GMDS: variants seen among roughly 807,000 people sequenced by gnomAD.
GMDS encodes GDP-mannose 4,6-dehydratase.
In GMDS, 20 loss-of-function variants were observed where a neutral mutation model predicts 49.9. That is an observed-to-expected ratio of 0.40 (90% confidence interval 0.28 to 0.58). GMDS has a LOEUF of 0.58. GMDS is among the 20% of genes least tolerant of loss of function. The pLI is 0.42. For synonymous variants in GMDS, 177 were observed against 178.6 expected (o/e 0.99, Z 0.07); for missense variants, 362 against 481.4 (o/e 0.75, Z 2.32).
intron 7 of GMDS, among the ~76,000 whole-genome samples, chr6:1,849,667 G>A (rs1757567866): frequency 6.6e-6 from 1 of 152,168 alleles, no homozygotes; most frequent in Admixed American, 6.5e-5. Flanking sequence ...TACTGTTGTT[G>A]TAGCTTTTCC....
intron 7 of GMDS, among the ~76,000 whole-genome samples, chr6:1,852,122 A>G (rs1352422479): frequency 1.3e-5 from 2 of 152,186 alleles, no homozygotes; most frequent in Non-Finnish European, 1.5e-5. Context: ...TCTTTTCCAC[A>G]GTGGTCACTC....
chr6:1,885,616 G>A (rs1759562785), intron 7 of GMDS, among the ~76,000 whole-genome samples: 2 of 152,150 alleles, frequency 1.3e-5, no homozygotes, highest in African/African-American at 4.8e-5. Context: ...CTGTTCCTTG[G>A]TCTCCGAGGT....
At chr6:2,227,492 T>C (rs1043483443) in intron 1 of GMDS, among the ~76,000 whole-genome samples, 2 of 152,116 alleles carry the variant, frequency 1.3e-5, no homozygotes, top group African/African-American at 4.8e-5. Flanking sequence ...GGTCAGAACA[T>C]CAACAAAAAA....
At chr6:2,065,856 T>C (rs1279645505) in intron 4 of GMDS, among the ~76,000 whole-genome samples, 2 of 152,176 alleles carry the variant, frequency 1.3e-5, no homozygotes, top group Non-Finnish European at 2.9e-5. Flanking sequence ...TGCAGGATAT[T>C]ATCCAGAAGA....
chr6:1,841,879 G>A (rs377476675), intron 7 of GMDS, among the ~76,000 whole-genome samples: 4 of 152,120 alleles, frequency 2.6e-5, no homozygotes, highest in South Asian at 2.1e-4. Context: ...TGGCCAGAAC[G>A]TCCTGCAATG....
At chr6:1,711,617 A>C (rs115286375) in intron 9 of GMDS, among the ~76,000 whole-genome samples, 73 of 152,264 alleles carry the variant, frequency 4.8e-4, no homozygotes, top group Non-Finnish European at 8.7e-4. Flanking sequence ...GTGATTTTGG[A>C]GATACTACTC....
At chr6:2,032,636 G>A (rs1449811469) in intron 4 of GMDS, among the ~76,000 whole-genome samples, 4 of 152,000 alleles carry the variant, frequency 2.6e-5, no homozygotes, top group Admixed American at 6.6e-5. Context: ...CAAAGATGTC[G>A]GCCCTTAGAA....
chr6:1,627,346 C>T (rs1005177454), intron 9 of GMDS, among the ~76,000 whole-genome samples: 3 of 152,152 alleles, frequency 2.0e-5, no homozygotes, highest in African/African-American at 4.8e-5. Flanking sequence ...GCGCACACAG[C>T]TCTAGAAGGA....
chr6:1,755,432 G>A (rs1767904313), intron 7 of GMDS, among the ~76,000 whole-genome samples: 2 of 152,170 alleles, frequency 1.3e-5, no homozygotes, highest in Non-Finnish European at 2.9e-5. Context: ...TGAATATCAT[G>A]AAAATGGACA....
chr6:2,118,001 T>C (rs1333022348), intron 2 of GMDS, among the ~76,000 whole-genome samples: 1 of 152,230 alleles, frequency 6.6e-6, no homozygotes, highest in African/African-American at 2.4e-5. Context: ...ACTTTGCATC[T>C]ACTGTATGTA....
At chr6:1,949,354 C>G (rs1763231336) in intron 6 of GMDS, among the ~76,000 whole-genome samples, 1 of 138,750 alleles carries the variant, frequency 7.2e-6, no homozygotes, top group South Asian at 2.1e-4. Context: ...GCCAAATTCT[C>G]TGTGTATATA....
chr6:1,796,006 G>A (rs763346901), intron 7 of GMDS, among the ~76,000 whole-genome samples: 1 of 152,212 alleles, frequency 6.6e-6, no homozygotes, highest in Non-Finnish European at 1.5e-5. Context: ...CAGGATGCCT[G>A]TATCGGAAGA....
intron 4 of GMDS, among the ~76,000 whole-genome samples, chr6:2,034,146 A>G (rs982171490): frequency 6.6e-6 from 1 of 152,304 alleles, no homozygotes; most frequent in African/African-American, 2.4e-5. Context: ...AAATATGTGC[A>G]CTTATCTTCT....
intron 4 of GMDS, among the ~76,000 whole-genome samples, chr6:2,041,100 C>G (rs1354326417): frequency 1.3e-5 from 2 of 152,156 alleles, no homozygotes; most frequent in Non-Finnish European, 2.9e-5. Flanking sequence ...AATTCTTGCT[C>G]TGTGGTTCTA....
chr6:1,743,372 T>G (rs1183729795), intron 7 of GMDS, among the ~76,000 whole-genome samples: 1 of 135,422 alleles, frequency 7.4e-6, no homozygotes, highest in Non-Finnish European at 1.6e-5. Flanking sequence ...AAACCCCGTC[T>G]CTACTAAAAA....
chr6:1,697,406 C>T (rs1020891864), intron 9 of GMDS, among the ~76,000 whole-genome samples: 1 of 152,216 alleles, frequency 6.6e-6, no homozygotes, highest in Non-Finnish European at 1.5e-5. Flanking sequence ...AAGAATAATC[C>T]TGTGCCCCAG....
chr6:2,079,004 G>A (rs1458341588), intron 4 of GMDS, among the ~76,000 whole-genome samples: 1 of 111,472 alleles, frequency 9.0e-6, no homozygotes, highest in Non-Finnish European at 1.9e-5. Context: ...CTTTGTCATT[G>A]CATAATGACC....
At position 2,245,498 on chromosome 6, in the gene GMDS, G is replaced by A. The variant is rs1475030528; in HGVS notation, c.-76C>T. ...AGGCGCGGTGCCGGCAGGAACGCGG[G>A]GGTGTGCAGCACGAAGCGCCTCTCC... On this transcript the variant is annotated 5_prime_UTR_variant, in exon 1 of 11. Coordinates refer to ENST00000380815, the MANE Select transcript of GMDS (RefSeq NM_001500.4). 19 of 793,118 alleles carry A rather than the reference G, an allele frequency of 2.4e-5. No individual in the cohort carries two copies. The highest frequency in any genetic ancestry group is 3.2e-5 in the Non-Finnish European group (18 of 560,034). 49.1% of individuals were successfully genotyped at this position (793,118 alleles called of 1,614,324 possible). A position where few individuals can be genotyped will look rare whatever the true frequency, so the allele number is the denominator to read the frequency against.
At chr6:2,230,930 T>TCCCCCCCC (rs797010185) in intron 1 of GMDS, among the ~76,000 whole-genome samples, 3 of 14,544 alleles carry the variant, frequency 2.1e-4, no homozygotes, top group Admixed American at 1.0e-3. Context: ...AGTATTCTCT[T>TCCCCCCCC]CCCCCCTCCC....
Sources: allele counts gnomAD v4.1 joint callset (sites outside exome capture counted in the v4.1 genomes callset), GRCh38; gene constraint gnomAD v4.1.1; transcripts MANE v1.5; gene names NCBI Gene and HGNC (gene_info 2026-07-23, HGNC 2026-07-21).